Variants in GALNT3 observed in about 807,000 individuals in gnomAD.
GALNT3 encodes the protein polypeptide N-acetylgalactosaminyltransferase 3, also known as GalNAc transferase 3.
Under a neutral mutation model 69.8 loss-of-function variants are expected in GALNT3, and 51 were observed. That is an observed-to-expected ratio of 0.73 (90% CI 0.58 to 0.92). The LOEUF (loss-of-function observed/expected upper bound fraction) is 0.92. Among genes scored for constraint, GALNT3 ranks in the 40% least tolerant of loss-of-function variants. GALNT3 has a pLI of 0.00. For missense variants in GALNT3, 711 were observed against 760.0 expected (o/e 0.94, Z 0.76); for synonymous variants, 265 against 248.5 (o/e 1.07, Z -0.63).
Position 165,764,852 on chromosome 2 carries a change from G to C in GALNT3, c.688+32C>G, listed in dbSNP as rs114169299. The C allele has an allele frequency of 5.5e-4, 889 of 1,610,596 alleles. 6 individuals carry two copies. The African/African-American group carries it at 0.011, about 19-fold the overall frequency. On this transcript the variant is annotated intron_variant, in intron 3 of 10. Transcript: ENST00000392701. ...CTGTAGATACCACAATATGGATTTGGGAAACAATCTAATTTGCATGTGCTT... is the reference window on the plus strand; with the variant it reads ...CTGTAGATACCACAATATGGATTTGCGAAACAATCTAATTTGCATGTGCTT...
Position 165,757,237 on chromosome 2 carries a change from C to T in GALNT3, c.1202G>A (p.Cys401Tyr), listed in dbSNP as rs1177492786. The change falls in exon 7 of 11, where the codon TGT (cysteine) becomes TAT (tyrosine). Residue 401 changes from cysteine (C) to tyrosine (Y), a missense_variant. By Grantham distance (194) the Cys-to-Tyr change is radical. Transcript: ENST00000392701. ...NIEMSFRVWQCGGQLEIMPCS... is the reference protein window; with the variant it reads ...NIEMSFRVWQYGGQLEIMPCS... The stretch of plus-strand genomic sequence containing the variant: ...AGGCATAATCTCCAACTGCCCACCA[C>T]ATTGCCATACCTGATAATTAATGAT... 6.2e-7 allele frequency: 1 copy of T among 1,613,806 alleles called. No homozygotes were observed. Among genetic ancestry groups the T allele is most frequent in the Non-Finnish European group, 8.5e-7 (1 of 1,179,724 alleles).
At position 165,754,722 on chromosome 2, in the gene GALNT3, T is replaced by C. The variant is rs774436224; in HGVS notation, c.1531A>G (p.Ser511Gly). 1.2e-6 allele frequency: 2 copies of C among 1,610,144 alleles called. No homozygotes were observed. Among genetic ancestry groups the C allele is most frequent in the East Asian group, 4.5e-5 (2 of 44,766 alleles). Reference protein sequence around the residue: ...LNPVISGYIKSVGQPLCLDVG... With the variant: ...LNPVISGYIKGVGQPLCLDVG... Reference sequence around the variant, plus strand: ...TCCAGACATAGAGGCTGACCAACGCTTTTAATCTAAAGGAAAATTTTCAAG... The same window carrying C: ...TCCAGACATAGAGGCTGACCAACGCCTTTAATCTAAAGGAAAATTTTCAAG... Residue 511 changes from serine (S) to glycine (G), a missense_variant, in exon 9 of 11, where the codon AGC becomes GGC. Physicochemically the swap from Ser to Gly is moderately conservative, Grantham distance 56. Transcript: ENST00000392701.
At position 165,770,563 on chromosome 2, in the gene GALNT3, G is replaced by A. The variant is rs769887930; in HGVS notation, c.138C>T (p.Ser46=). 10 of 1,612,952 alleles carry A rather than the reference G, an allele frequency of 6.2e-6. No individual in the cohort carries two copies. In the East Asian group the frequency reaches 2.2e-4, roughly 36 times the overall value. Reference sequence around the variant, plus strand: ...TCCTTTCCATCCTTGATTCCTCTTTGGAATATTGAACACTTACTTCTCTTT... The same window carrying A: ...TCCTTTCCATCCTTGATTCCTCTTTAGAATATTGAACACTTACTTCTCTTT... ...LMQREVSVQY[S]KEESRMERNM... The change falls in exon 2 of 11, where the codon TCC becomes TCT. Residue 46 remains serine (S), a synonymous_variant. Coordinates refer to ENST00000392701, the MANE Select transcript of GALNT3 (RefSeq NM_004482.4).
rs1688558978 is a variant in GALNT3, at chr2:165,761,997, A to G, written c.746T>C (p.Val249Ala). 1 of 1,606,074 alleles carries G rather than the reference A, an allele frequency of 6.2e-7. No individual in the cohort carries two copies. Among genetic ancestry groups the G allele is most frequent in the African/African-American group, 1.3e-5 (1 of 74,682 alleles). Reference protein sequence around the residue: ...YVKQFSIVKIVRQRERKGLIT... With the variant: ...YVKQFSIVKIARQRERKGLIT... Reference sequence around the variant, plus strand: ...CAGACCTTTTCTTTCTCTTTGTCTGACTATTTTTACTATAGAAAATTGTTT... The same window carrying G: ...CAGACCTTTTCTTTCTCTTTGTCTGGCTATTTTTACTATAGAAAATTGTTT... The change falls in exon 4 of 11, where the codon GTC becomes GCC. Residue 249 changes from valine to alanine, a missense_variant. By Grantham distance (64) the Val-to-Ala change is moderately conservative. Coordinates refer to ENST00000392701, the MANE Select transcript of GALNT3 (RefSeq NM_004482.4).
intron 1 of GALNT3, among the ~76,000 whole-genome samples, chr2:165,788,247 G>A (rs1380316188): frequency 6.7e-6 from 1 of 148,496 alleles, no homozygotes; most frequent in African/African-American, 2.5e-5. Context: ...AACCTAGGAG[G>A]CAGAGCTTGC....
Position 165,770,584 on chromosome 2 carries a change from T to A in GALNT3, c.117A>T (p.Arg39Ser), listed in dbSNP as rs150417505. ...FFIIVLVLMQ[R>S]EVSVQYSKEE... ...CTTTGGAATATTGAACACTTACTTC[T>A]CTTTGCATTAAAACCAAAACTATTA... The change falls in exon 2 of 11, where the codon AGA becomes AGT. Residue 39 changes from arginine to serine, a missense_variant. Coordinates refer to ENST00000392701, the MANE Select transcript of GALNT3 (RefSeq NM_004482.4). 53 of 1,610,342 alleles carry A rather than the reference T, an allele frequency of 3.3e-5. No individual in the cohort carries two copies. The highest frequency in any genetic ancestry group is 4.2e-5 in the Non-Finnish European group (50 of 1,178,286).
intron 1 of GALNT3, among the ~76,000 whole-genome samples, chr2:165,779,258 T>C (rs1023957478): frequency 2.0e-5 from 3 of 152,106 alleles, no homozygotes; most frequent in African/African-American, 7.2e-5. Flanking sequence ...AGGCTTAACA[T>C]TGTACGAGCC....
At chr2:165,778,777 T>G (rs990238593) in intron 1 of GALNT3, among the ~76,000 whole-genome samples, 9 of 152,178 alleles carry the variant, frequency 5.9e-5, no homozygotes, top group Non-Finnish European at 1.3e-4. Context: ...TGAGGAAAAC[T>G]GCTGGCTGCT....
At chr2:165,789,686 T>C (rs768584417) in intron 1 of GALNT3, among the ~76,000 whole-genome samples, 11 of 135,892 alleles carry the variant, frequency 8.1e-5, no homozygotes, top group Non-Finnish European at 1.7e-4. Flanking sequence ...CTGGGCAACA[T>C]AGTGAGACCT....
intron 1 of GALNT3, among the ~76,000 whole-genome samples, chr2:165,787,098 AT>A (rs1162587386): frequency 1.5e-4 from 23 of 152,178 alleles, no homozygotes; most frequent in African/African-American, 4.6e-4. Flanking sequence ...ATAGGACTTT[AT>A]TTCTTTAGCC....
At position 165,756,989 on chromosome 2, in the gene GALNT3, A is replaced by C. The variant is rs1229330555; in HGVS notation, c.1392+58T>G. On this transcript the variant is annotated intron_variant, in intron 7 of 10. Transcript: ENST00000392701. The stretch of plus-strand genomic sequence containing the variant: ...TGTACTTGAGATGAATCGACGCAAA[A>C]GGACGTGTGAACTTGTTATAGATTT... The C allele has an allele frequency of 1.9e-4, 258 of 1,337,064 alleles. 2 individuals carry two copies. The highest frequency in any genetic ancestry group is 8.9e-5 in the Admixed American group (5 of 55,984). 82.8% of individuals were successfully genotyped at this position (1,337,064 alleles called of 1,614,324 possible).
At chr2:165,769,407 A>AAATAAC (rs1447533408) in intron 2 of GALNT3, among the ~76,000 whole-genome samples, 1 of 131,394 alleles carries the variant, frequency 7.6e-6, no homozygotes, top group African/African-American at 2.9e-5. Context: ...CTCCATCTCA[A>AAATAAC]AATAATAATA....
intron 9 of GALNT3, among the ~76,000 whole-genome samples, chr2:165,751,008 T>C (rs1427373875): frequency 2.0e-5 from 3 of 152,144 alleles, no homozygotes; most frequent in East Asian, 1.9e-4. Context: ...AAGGTTCCCA[T>C]AGTACATCAG....
intron 1 of GALNT3, among the ~76,000 whole-genome samples, chr2:165,793,409 A>G (rs1180069054): frequency 6.6e-6 from 1 of 152,174 alleles, no homozygotes; most frequent in Non-Finnish European, 1.5e-5. Flanking sequence ...GCGCACCCGG[A>G]AAAGTGCAGA....
Position 165,749,837 on chromosome 2 carries a change from G to C in GALNT3, c.1684C>G (p.Leu562Val), listed in dbSNP as rs775040032. The C allele has an allele frequency of 6.2e-7, 1 of 1,613,678 alleles. No individual in the cohort carries two copies. The highest frequency in any genetic ancestry group is 1.7e-5 in the Admixed American group (1 of 59,994). Residue 562 changes from leucine to valine, a missense_variant, in exon 10 of 11, where the codon CTT becomes GTT. Coordinates refer to ENST00000392701, the MANE Select transcript of GALNT3 (RefSeq NM_004482.4). ...IRHNIQKELCLHAAQGLVQLK... is the reference protein window; with the variant it reads ...IRHNIQKELCVHAAQGLVQLK... ...TGAACGAGACCTTGAGCAGCATGAA[G>C]ACATAATTCCTTCTGGATGTTGTGC...
chr2:165,777,361 T>C (rs1682982291), intron 1 of GALNT3, among the ~76,000 whole-genome samples: 1 of 152,236 alleles, frequency 6.6e-6, no homozygotes, highest in Non-Finnish European at 1.5e-5. Flanking sequence ...TGAATTATTA[T>C]AAAACTCATT....
chr2:165,766,855 T>C (rs1688652292), intron 2 of GALNT3, among the ~76,000 whole-genome samples: 2 of 152,096 alleles, frequency 1.3e-5, no homozygotes, highest in Non-Finnish European at 2.9e-5. Flanking sequence ...GTCTTTAGAA[T>C]GGATTATTTG....
intron 1 of GALNT3, among the ~76,000 whole-genome samples, chr2:165,793,032 G>A (rs1188571607): frequency 1.3e-5 from 2 of 152,104 alleles, no homozygotes; most frequent in African/African-American, 4.8e-5. Flanking sequence ...TTGGTAACTC[G>A]ATGGGGTTCT....
intron 1 of GALNT3, among the ~76,000 whole-genome samples, chr2:165,777,944 C>T (rs1018504032): frequency 6.6e-5 from 10 of 152,142 alleles, no homozygotes; most frequent in African/African-American, 1.9e-4. Flanking sequence ...CATCAGCAAC[C>T]GTGAGGCACA....
Sources: gnomAD v4.1 joint callset for allele counts (sites outside exome capture counted in the v4.1 genomes callset) on GRCh38, gnomAD v4.1.1 for gene constraint, MANE v1.5 for transcripts, NCBI Gene and HGNC (gene_info 2026-07-23, HGNC 2026-07-21) for gene names.